The following NEDD1 variants were observed in gnomAD, a reference collection of about 807,000 sequenced individuals.
NEDD1 encodes protein NEDD1.
A neutral mutation model predicts 74.0 loss-of-function variants in NEDD1; 33 were observed. The observed-to-expected ratio is 0.45, with a 90% CI of 0.34 to 0.60. The LOEUF is 0.60. Ranked by LOEUF, NEDD1 falls within the 20% of genes least tolerant of loss-of-function variation. The pLI is 0.01. For synonymous variants in NEDD1, 250 were observed against 264.4 expected (o/e 0.95, Z 0.53); for missense variants, 746 against 776.5 (o/e 0.96, Z 0.47).
chr12:96,916,170 C>T (rs567345293), intron 4 of NEDD1, among the ~76,000 whole-genome samples: 1 of 151,360 alleles, frequency 6.6e-6, no homozygotes, highest in African/African-American at 2.4e-5. Flanking sequence ...AATAATAGGA[C>T]TTTGAAAGCC....
intron 6 of NEDD1, among the ~76,000 whole-genome samples, chr12:96,925,342 C>T (rs1184762997): frequency 6.6e-6 from 1 of 152,056 alleles, no homozygotes; most frequent in Non-Finnish European, 1.5e-5. Context: ...ATGCTTACCA[C>T]CATTTATTGT....
chr12:96,912,896 G>A (rs566155126), intron 4 of NEDD1, 79 bp downstream of exon 4: 188 of 696,054 alleles, frequency 2.7e-4, no homozygotes, highest in Middle Eastern at 7.4e-4. Flanking sequence ...TGGTGCTTGC[G>A]ACTAAATATA....
intron 10 of NEDD1, among the ~76,000 whole-genome samples, chr12:96,942,166 A>AT (rs1413210729): frequency 1.3e-5 from 2 of 152,142 alleles, no homozygotes; most frequent in African/African-American, 4.8e-5. Flanking sequence ...CCTCAAAGCA[A>AT]TTTTGTGAGC....
rs201100341 is a variant in NEDD1, at chr12:96,945,711, C to T, written c.1673C>T (p.Ser558Phe). 6.2e-7 allele frequency: 1 copy of T among 1,600,592 alleles called. No individual in the cohort carries two copies. Among genetic ancestry groups the T allele is most frequent in the Non-Finnish European group, 8.6e-7 (1 of 1,167,950 alleles). Residue 558 changes from serine (S) to phenylalanine (F), a missense_variant, in exon 14 of 16, where the codon TCT (serine) becomes TTT (phenylalanine). Physicochemically the swap from Ser to Phe is radical, Grantham distance 155. Around this residue, in one of 3 missense-constraint regions of NEDD1, gnomAD observed 706 missense variants for 706.7 expected, o/e 1.00. Coordinates refer to ENST00000266742, the MANE Select transcript of NEDD1 (RefSeq NM_152905.4). ...SSTPNPKIAS[S>F]VTAGVASSLS... is the part of the protein sequence containing the mutation. ...ATTTTAGATCCAAAGATAGCATCTT[C>T]TGTCACTGCTGGAGTTGCCAGTTCA...
intron 10 of NEDD1, among the ~76,000 whole-genome samples, chr12:96,942,150 A>G (rs1471742117): frequency 3.3e-5 from 5 of 152,174 alleles, no homozygotes; most frequent in South Asian, 2.1e-4. Context: ...TATTATTTCA[A>G]TTGATCCTCA....
At chr12:96,927,999 T>A (rs931776632) in intron 6 of NEDD1, among the ~76,000 whole-genome samples, 1 of 152,200 alleles carries the variant, frequency 6.6e-6, no homozygotes, top group Non-Finnish European at 1.5e-5. Context: ...CTATATAATA[T>A]GTTCTTGAGC....
chr12:96,909,984 C>T, intron 3 of NEDD1, 89 bp downstream of exon 3: 1 of 1,397,498 alleles, frequency 7.2e-7, no homozygotes, highest in Non-Finnish European at 9.7e-7. Context: ...TTTGCATGTG[C>T]CTCATACTGA....
intron 15 of NEDD1, 89 bp from the exon 16 acceptor site, chr12:96,951,860 A>G (rs910982468): frequency 4.3e-6 from 3 of 704,198 alleles, no homozygotes; most frequent in Non-Finnish European, 7.4e-6. Context: ...TGAACATGAG[A>G]GAAATGATAG....
intron 14 of NEDD1, among the ~76,000 whole-genome samples, chr12:96,948,099 C>G (rs1878369844): frequency 6.6e-6 from 1 of 152,140 alleles, no homozygotes. Flanking sequence ...TCTCAGCCAT[C>G]CTCCCGTGGC....
intron 8 of NEDD1, 101 bp from the exon 9 acceptor site, chr12:96,937,096 GA>G (rs1186062797): frequency 7.4e-6 from 5 of 675,244 alleles, no homozygotes; most frequent in East Asian, 6.4e-5. Flanking sequence ...GATTTGCAAG[GA>G]AAAAAATATA....
At chr12:96,920,245 T>C in intron 6 of NEDD1, 120 bp downstream of exon 6, 2 of 579,002 alleles carry the variant, frequency 3.5e-6, no homozygotes, top group African/African-American at 1.9e-5. Context: ...TATTTTTAAA[T>C]GGTAGTGTTT....
At chr12:96,922,649 G>A (rs192125097) in intron 6 of NEDD1, among the ~76,000 whole-genome samples, 8 of 152,278 alleles carry the variant, frequency 5.3e-5, no homozygotes, top group Admixed American at 1.3e-4. Flanking sequence ...AACAATTGAG[G>A]TGTAACTTAC....
At chr12:96,951,922 T>A in intron 15 of NEDD1, 27 bp from the exon 16 acceptor site, 1 of 1,212,040 alleles carries the variant, frequency 8.3e-7, no homozygotes. Context: ...TATCAATAAT[T>A]TAAAAAGCAT....
chr12:96,924,067 A>G (rs1461796137), intron 6 of NEDD1, among the ~76,000 whole-genome samples: 1 of 152,066 alleles, frequency 6.6e-6, no homozygotes, highest in Non-Finnish European at 1.5e-5. Context: ...ATTTTTGTGT[A>G]TTGTGTGAAA....
rs1484487504 is a variant in NEDD1 at position 96,935,040 on chromosome 12, G to A, written c.554G>A (p.Gly185Glu). The A allele has an allele frequency of 1.2e-6, 2 of 1,612,562 alleles. No individual in the cohort carries two copies. Among genetic ancestry groups the A allele is most frequent in the Non-Finnish European group, 1.7e-6 (2 of 1,178,608 alleles). The change falls in exon 7 of 16, where the codon GGA becomes GAA. Residue 185 changes from glycine (G) to glutamate (E), a missense_variant. Physicochemically the swap from Gly to Glu is moderately conservative, Grantham distance 98 (BLOSUM62 -2). This residue lies in a region of NEDD1 where 706 missense variants were observed against 706.7 expected (regional missense o/e 1.00). Transcript: ENST00000266742. The part of the protein sequence containing the change: ...KSLLGSVSDN[G>E]IVTLWDVNSQ... ...CTACTGGGCAGTGTTTCGGATAATGGAATAGTAACTCTCTGGGATGTAAAT... is the reference window on the plus strand; with the variant it reads ...CTACTGGGCAGTGTTTCGGATAATGAAATAGTAACTCTCTGGGATGTAAAT...
intron 12 of NEDD1, among the ~76,000 whole-genome samples, 167 bp downstream of exon 12, chr12:96,943,929 T>C (rs1408425739): frequency 6.6e-6 from 1 of 152,108 alleles, no homozygotes; most frequent in African/African-American, 2.4e-5. Flanking sequence ...GCTTTGGATA[T>C]GTTGAAGGTT....
chr12:96,945,236 A>G (rs529291157), intron 13 of NEDD1, among the ~76,000 whole-genome samples: 6 of 152,240 alleles, frequency 3.9e-5, no homozygotes, highest in South Asian at 2.1e-4. Context: ...TTTGTTTACA[A>G]TCAACTCTCA....
chr12:96,933,200 T>G (rs1212930967), intron 6 of NEDD1, among the ~76,000 whole-genome samples: 1 of 152,136 alleles, frequency 6.6e-6, no homozygotes, highest in African/African-American at 2.4e-5. Context: ...GTAGGAAAAT[T>G]CCTGCTGTTG....
chr12:96,921,830 G>A (rs972014887), intron 6 of NEDD1, among the ~76,000 whole-genome samples: 1 of 150,472 alleles, frequency 6.6e-6, no homozygotes, highest in African/African-American at 2.4e-5. Flanking sequence ...TGTCCAGGCA[G>A]GTCTTTAACT....
Sources: allele counts gnomAD v4.1 joint callset (sites outside exome capture counted in the v4.1 genomes callset), GRCh38; gene constraint gnomAD v4.1.1; regional missense constraint gnomAD v4.1.1; transcripts MANE v1.5; gene names NCBI Gene and HGNC (gene_info 2026-07-23, HGNC 2026-07-21).